The following NKX2-1 variants were observed in gnomAD, a reference collection of about 807,000 sequenced individuals.
NKX2-1 encodes the protein homeobox protein Nkx-2.1.
In NKX2-1, 9 loss-of-function variants were observed where a neutral mutation model predicts 35.1. The ratio of observed to expected loss-of-function variants is 0.26; its 90% confidence interval spans 0.15 to 0.45. The LOEUF (loss-of-function observed/expected upper bound fraction) is 0.45. Ranked by LOEUF, NKX2-1 falls within the 20% of genes least tolerant of loss-of-function variation. The pLI is 1.00. For synonymous variants in NKX2-1, 284 were observed against 269.9 expected, an observed-to-expected ratio of 1.05 and a Z score of -0.51; for missense variants, 509 against 589.1, an observed-to-expected ratio of 0.86 and a Z score of 1.41.
In NKX2-1 at chr14:36,517,300, A is replaced by G. The variant is rs775346011; in HGVS notation, c.1184T>C (p.Leu395Ser). The G allele has an allele frequency of 6.2e-7, 1 of 1,610,842 alleles. No individual in the cohort carries two copies. Among genetic ancestry groups the G allele is most frequent in the Non-Finnish European group, 8.5e-7 (1 of 1,179,458 alleles). Residue 395 changes from leucine (L) to serine (S), a missense_variant, in exon 3 of 3, where the codon TTG (leucine) becomes TCG (serine). By Grantham distance (145) the Leu-to-Ser change is moderately radical. Transcript: ENST00000354822. ...SDYGTMSCST[L>S]LYGRTW Reference sequence around the variant, plus strand: ...CTCTCACCAGGTCCGACCGTATAGCAAGGTGGAGCAGGACATGGTGCCGTA... The same window carrying G: ...CTCTCACCAGGTCCGACCGTATAGCGAGGTGGAGCAGGACATGGTGCCGTA...
At position 36,519,023 on chromosome 14, in the gene NKX2-1, C is replaced by T. The variant is rs771777676; in HGVS notation, c.425G>A (p.Gly142Glu). Residue 142 changes from glycine to glutamate, a missense_variant, in exon 2 of 3, where the codon GGA becomes GAA. Coordinates refer to ENST00000354822, the MANE Select transcript of NKX2-1 (RefSeq NM_001079668.3). Reference protein sequence around the residue: ...DTMRNSASGPGWYGANPDPRF... With the variant: ...DTMRNSASGPEWYGANPDPRF... ...CGGGTCTGGGTTGGCGCCGTACCATCCGGGGCCAGAGGCGCTGTTCCTCAT... is the reference window on the plus strand; with the variant it reads ...CGGGTCTGGGTTGGCGCCGTACCATTCGGGGCCAGAGGCGCTGTTCCTCAT... The T allele has an allele frequency of 6.3e-7, 1 of 1,589,760 alleles. No individual in the cohort carries two copies. The highest frequency in any genetic ancestry group is 8.5e-7 in the Non-Finnish European group (1 of 1,174,686).
Position 36,517,332 on chromosome 14 carries a change from G to A in NKX2-1, c.1152C>T (p.Gly384=). The change falls in exon 3 of 3, where the codon GGC becomes GGT. Residue 384 remains glycine, a synonymous_variant. Transcript: ENST00000354822. Reference sequence around the variant, plus strand: ...AGCAGGACATGGTGCCGTAGTCCGAGCCCGAGGAGTTCAGGTGGGACAGGC... The same window carrying A: ...AGCAGGACATGGTGCCGTAGTCCGAACCCGAGGAGTTCAGGTGGGACAGGC... ...VSSLSHLNSS[G]SDYGTMSCST... The A allele has an allele frequency of 2.5e-6, 4 of 1,612,050 alleles. No homozygotes were observed. Among genetic ancestry groups the A allele is most frequent in the Non-Finnish European group, 3.4e-6 (4 of 1,179,726 alleles).
At chr14:36,518,052 GGCCAGGCCGAGCCAGGCC>G (rs1881127631) in intron 2 of NKX2-1, 32 bp from the exon 3 acceptor site, 2 of 1,594,736 alleles carry the variant, frequency 1.3e-6, no homozygotes, top group East Asian at 4.5e-5. Flanking sequence ...CGTCGGCCGG[GGCCAGGCCGAGCCAGGCC>G]ACCCCTGTTT....
Position 36,517,960 on chromosome 14 carries a change from G to A in NKX2-1, c.524C>T (p.Ser175Leu). 1 of 1,601,086 alleles carries A rather than the reference G, an allele frequency of 6.2e-7. No individual in the cohort carries two copies. Among genetic ancestry groups the A allele is most frequent in the Non-Finnish European group, 8.5e-7 (1 of 1,179,754 alleles). The change falls in exon 3 of 3, where the codon TCG becomes TTG. Residue 175 changes from serine (S) to leucine (L), a missense_variant. Physicochemically the swap from Ser to Leu is moderately radical, Grantham distance 145 (BLOSUM62 -2). Around this residue, in one of 5 missense-constraint regions of NKX2-1, gnomAD observed 271 missense variants for 284.1 expected, o/e 0.95. Transcript: ENST00000354822. ...MNMSGMGGLGSLGDVSKNMAP... is the reference protein window; with the variant it reads ...MNMSGMGGLGLLGDVSKNMAP... ...CATGTTCTTGCTCACGTCCCCCAGC[G>A]AGCCCAGGCCGCCCATGCCGCTCAT...
At position 36,519,062 on chromosome 14, in the gene NKX2-1, G is replaced by T. The variant is rs750364050; in HGVS notation, c.386C>A (p.Pro129Gln). Residue 129 changes from proline to glutamine, a missense_variant, in exon 2 of 3, where the codon CCG becomes CAG. Coordinates refer to ENST00000354822, the MANE Select transcript of NKX2-1 (RefSeq NM_001079668.3). ...GCTGTTCCTCATGGTGTCCTGGTAC[G>T]GCGGCAGCTCGCTCATGTTGCCCAG... The part of the protein sequence containing the change: ...GNLGNMSELP[P>Q]YQDTMRNSAS... 2 of 1,599,298 alleles carry T rather than the reference G, an allele frequency of 1.3e-6. No individual in the cohort carries two copies. Among genetic ancestry groups the T allele is most frequent in the East Asian group, 4.5e-5 (2 of 44,780 alleles).
At chr14:36,518,102 G>T (rs1366220665) in intron 2 of NKX2-1, 82 bp from the exon 3 acceptor site, 1 of 1,542,900 alleles carries the variant, frequency 6.5e-7, no homozygotes, top group African/African-American at 1.4e-5. Context: ...GGCCCGCCCG[G>T]CCCGCCCCAA....
Position 36,517,660 on chromosome 14 carries a change from G to A in NKX2-1, c.824C>T (p.Pro275Leu), listed in dbSNP as rs748087644. 1.9e-6 allele frequency: 3 copies of A among 1,548,176 alleles called. No individual in the cohort carries two copies. The highest frequency in any genetic ancestry group is 2.4e-5 in the East Asian group (1 of 41,042). ...CTGCTGCTGAGCCTGTTGCTGCTGCGGGCACCCGGTGCCCCCGCCGCCCCC... is the reference window on the plus strand; with the variant it reads ...CTGCTGCTGAGCCTGTTGCTGCTGCAGGCACCCGGTGCCCCCGCCGCCCCC... ...GGGGGGGTGC[P>L]QQQQAQQQSP... The change falls in exon 3 of 3, where the codon CCG (proline) becomes CTG (leucine). Residue 275 changes from proline (P) to leucine (L), a missense_variant. By Grantham distance (98) the Pro-to-Leu change is moderately conservative. Around this residue, in one of 5 missense-constraint regions of NKX2-1, gnomAD observed 212 missense variants for 227.7 expected, o/e 0.93. Coordinates refer to ENST00000354822, the MANE Select transcript of NKX2-1 (RefSeq NM_001079668.3).
At position 36,518,029 on chromosome 14, in the gene NKX2-1, G is replaced by C; in HGVS notation, c.464-9C>G. 6.3e-7 allele frequency: 1 copy of C among 1,597,626 alleles called. No homozygotes were observed. Among genetic ancestry groups the C allele is most frequent in the Non-Finnish European group, 8.5e-7 (1 of 1,179,594 alleles). ...GCCCATGAAGCGGGAGACTGTAAGC[G>C]ACAAACGCACAGCGTCGGCCGGGGC... On this transcript the variant is annotated splice_polypyrimidine_tract_variant and intron_variant, in intron 2 of 2. Transcript: ENST00000354822.
rs1437185372 is a variant in NKX2-1, at chr14:36,517,369, C to T, written c.1115G>A (p.Gly372Asp). The T allele has an allele frequency of 1.2e-6, 2 of 1,607,264 alleles. No individual in the cohort carries two copies. Among genetic ancestry groups the T allele is most frequent in the Non-Finnish European group, 1.7e-6 (2 of 1,178,276 alleles). ...CAGGTGGGACAGGCTGGATACCTGG[C>T]CCTGCAGCGCCGCGGGGCTGGCGGC... Reference protein sequence around the residue: ...HHAASPAALQGQVSSLSHLNS... With the variant: ...HHAASPAALQDQVSSLSHLNS... Residue 372 changes from glycine (G) to aspartate (D), a missense_variant, in exon 3 of 3, where the codon GGC becomes GAC. Physicochemically the swap from Gly to Asp is moderately conservative, Grantham distance 94. Coordinates refer to ENST00000354822, the MANE Select transcript of NKX2-1 (RefSeq NM_001079668.3).
Position 36,517,276 on chromosome 14 carries a change from T to C in NKX2-1, c.*2A>G, listed in dbSNP as rs1255433050. ...CTGGGCTAGGGCCGGCCCGGCGTCC[T>C]CTCACCAGGTCCGACCGTATAGCAA... On this transcript the variant is annotated 3_prime_UTR_variant, in exon 3 of 3. Transcript: ENST00000354822. The C allele has an allele frequency of 6.2e-7, 1 of 1,603,666 alleles. No individual in the cohort carries two copies. Among genetic ancestry groups the C allele is most frequent in the African/African-American group, 1.3e-5 (1 of 74,990 alleles).
rs564521320 is a variant in NKX2-1, at chr14:36,517,135, G to A, written c.*143C>T. Reference sequence around the variant, plus strand: ...GACGTCCAGCAGTTTGGCCTTTGTGGTTTTTTTGTTCCTTGGTCTAAACGC... The same window carrying A: ...GACGTCCAGCAGTTTGGCCTTTGTGATTTTTTTGTTCCTTGGTCTAAACGC... On this transcript the variant is annotated 3_prime_UTR_variant, in exon 3 of 3. Coordinates refer to ENST00000354822, the MANE Select transcript of NKX2-1 (RefSeq NM_001079668.3). 3.6e-6 allele frequency: 5 copies of A among 1,400,888 alleles called. No individual in the cohort carries two copies. Among genetic ancestry groups the A allele is most frequent in the African/African-American group, 1.5e-5 (1 of 67,340 alleles). The allele number at this position is 1,400,888 out of a possible 1,614,324, so 86.8% of individuals were successfully genotyped here. A position where few individuals can be genotyped will look rare whatever the true frequency, so the allele number is the denominator to read the frequency against.
Position 36,519,265 on chromosome 14 carries a change from G to T in NKX2-1, c.183C>A (p.Gly61=). 6.2e-7 allele frequency: 1 copy of T among 1,611,342 alleles called. No homozygotes were observed. The highest frequency in any genetic ancestry group is 1.3e-5 in the African/African-American group (1 of 75,046). ...CCGCCAGCGGAGCCCCGAGGCCGCCGCCCTCCATGCCCACTTTCTTGTAGC... is the reference window on the plus strand; with the variant it reads ...CCGCCAGCGGAGCCCCGAGGCCGCCTCCCTCCATGCCCACTTTCTTGTAGC... ...EESYKKVGME[G]GGLGAPLAAY... is the part of the protein sequence containing the mutation. Residue 61 remains glycine, a synonymous_variant, in exon 2 of 3, where the codon GGC becomes GGA. Transcript: ENST00000354822.
In NKX2-1 at chr14:36,517,147, C is replaced by T; in HGVS notation, c.*131G>A. 6 of 1,422,526 alleles carry T rather than the reference C, an allele frequency of 4.2e-6. No individual in the cohort carries two copies. The highest frequency in any genetic ancestry group is 2.9e-5 in the African/African-American group (2 of 67,834). 88.1% of individuals were successfully genotyped at this position (1,422,526 alleles called of 1,614,324 possible). A position where few individuals can be genotyped will look rare whatever the true frequency, so the allele number is the denominator to read the frequency against. ...TTTGGCCTTTGTGGTTTTTTTGTTC[C>T]TTGGTCTAAACGCGGCCAGGTTGTT... On this transcript the variant is annotated 3_prime_UTR_variant, in exon 3 of 3. Transcript: ENST00000354822.
At chr14:36,518,158 G>A (rs1265425787) in intron 2 of NKX2-1, 138 bp from the exon 3 acceptor site, 2 of 1,238,388 alleles carry the variant, frequency 1.6e-6, no homozygotes, top group Non-Finnish European at 2.2e-6. Flanking sequence ...TGGGGCCCAA[G>A]AGGCCCATCC....
intron 2 of NKX2-1, 56 bp downstream of exon 2, chr14:36,518,929 C>A: frequency 2.1e-6 from 3 of 1,446,592 alleles, no homozygotes; most frequent in East Asian, 2.7e-5. Flanking sequence ...CTGGACGGCT[C>A]TCGCCGCACC....
In NKX2-1 at chr14:36,520,201, C is replaced by T; in HGVS notation, c.-72G>A. 6.3e-7 allele frequency: 1 copy of T among 1,584,452 alleles called. No individual in the cohort carries two copies. The highest frequency in any genetic ancestry group is 8.6e-7 in the Non-Finnish European group (1 of 1,168,154). ...AGTCTGGGGACGAACCCTGGGGCCGCACTGTTGGTCTACGTGTCTGTCAGT... is the reference window on the plus strand; with the variant it reads ...AGTCTGGGGACGAACCCTGGGGCCGTACTGTTGGTCTACGTGTCTGTCAGT... On this transcript the variant is annotated 5_prime_UTR_variant, in exon 1 of 3. Transcript: ENST00000354822.
In NKX2-1 at chr14:36,520,155, T is replaced by C. The variant is rs764617662; in HGVS notation, c.-26A>G. ...CGGGCTTCGCTGCGCTGAGCCCCAGTCGCCAACAAATGAGCGAGCGAGTCT... is the reference window on the plus strand; with the variant it reads ...CGGGCTTCGCTGCGCTGAGCCCCAGCCGCCAACAAATGAGCGAGCGAGTCT... On this transcript the variant is annotated 5_prime_UTR_variant, in exon 1 of 3. Transcript: ENST00000354822. 4.3e-6 allele frequency: 7 copies of C among 1,611,868 alleles called. No individual in the cohort carries two copies. In the African/African-American group the frequency reaches 6.7e-5, roughly 15 times the overall value.
At chr14:36,519,739 G>C (rs1881258771) in intron 1 of NKX2-1, 3 of 1,479,678 alleles carry the variant, frequency 2.0e-6, no homozygotes, top group Non-Finnish European at 2.7e-6. Flanking sequence ...GAGAGAGAGA[G>C]GCAGAGACGA....
Position 36,516,990 on chromosome 14 carries a change from A to G in NKX2-1, c.*288T>C, listed in dbSNP as rs1412055513. On this transcript the variant is annotated 3_prime_UTR_variant, in exon 3 of 3. Transcript: ENST00000354822. ...TTGAATCACCAAAAAAAGACACCCC[A>G]AAGCTGTTTTATGCCCTTCTCTGCT... 1 of 500,812 alleles carries G rather than the reference A, an allele frequency of 2.0e-6. No homozygotes were observed. Among genetic ancestry groups the G allele is most frequent in the Non-Finnish European group, 3.4e-6 (1 of 290,068 alleles). The allele number at this position is 500,812 out of a possible 1,614,324, so 31.0% of individuals were successfully genotyped here.
Sources: gnomAD v4.1 joint callset for allele counts on GRCh38, gnomAD v4.1.1 for gene constraint, gnomAD v4.1.1 regional missense constraint, MANE v1.5 for transcripts, NCBI Gene and HGNC (gene_info 2026-07-23, HGNC 2026-07-21) for gene names.